The following FMN2 variants were observed in gnomAD, a reference collection of about 807,000 sequenced individuals.
FMN2 encodes the protein formin 2.
In FMN2, 51 loss-of-function variants were observed where a neutral mutation model predicts 142.3. The observed-to-expected ratio is 0.36, with a 90% confidence interval of 0.29 to 0.45. FMN2 has a LOEUF of 0.45. FMN2 is among the 20% of genes least tolerant of loss of function. FMN2 has a pLI of 1.00. For synonymous variants in FMN2, 882 were observed against 869.8 expected (o/e 1.01, Z -0.25); for missense variants, 1,936 against 2,122.8 (o/e 0.91, Z 1.73).
rs1339777020 is a variant in FMN2 at position 240,145,128 on chromosome 1, G to A, written c.1782+21783G>A. On this transcript the variant is annotated intron_variant, in intron 2 of 17. Coordinates refer to ENST00000319653, the MANE Select transcript of FMN2 (RefSeq NM_020066.5). ...AAAGTCATGGAAGTTGTAGAAGAAC[G>A]AATCTGCCTTCGCATTTCCTCCAGC... 9.4e-6 allele frequency: 14 copies of A among 1,484,490 alleles called. No homozygotes were observed. The East Asian group carries it at 2.5e-4, about 26-fold the overall frequency. 92.0% of individuals were successfully genotyped at this position (1,484,490 alleles called of 1,614,324 possible).
At chr1:240,420,456 C>T (rs921063895) in intron 15 of FMN2, among the ~76,000 whole-genome samples, 17 of 152,214 alleles carry the variant, frequency 1.1e-4, no homozygotes, top group Admixed American at 2.6e-4. Flanking sequence ...TGATCTCTTA[C>T]CCCTTTTCAG....
rs1471697427 is a variant in FMN2, at chr1:240,459,717, T to TTAAAAAAAAAAAAAAAA, written c.5061-12655_5061-12654insTAAAAAAAAAAAAAAAA. Among the ~76,000 whole-genome samples the TTAAAAAAAAAAAAAAAA allele has an allele frequency of 8.9e-5, 6 of 67,128 alleles. 1 individual carries two copies. Among genetic ancestry groups the TTAAAAAAAAAAAAAAAA allele is most frequent in the African/African-American group, 3.1e-4 (6 of 19,484 alleles). The allele number at this position is 67,128 out of a possible 152,430, so 44.0% of individuals were successfully genotyped here. On this transcript the variant is annotated intron_variant, in intron 16 of 17. Coordinates refer to ENST00000319653, the MANE Select transcript of FMN2 (RefSeq NM_020066.5). ...GGGTGACAGAACAAGACTCTGTCTCTAAAAAAAAAAAAAAAAAAAAAAAAA... is the reference window on the plus strand; with the variant it reads ...GGGTGACAGAACAAGACTCTGTCTCTTAAAAAAAAAAAAAAAAAAAAAAAAAAAAAAAAAAAAAAAAA...
At chr1:240,281,372 A>G (rs919185602) in intron 7 of FMN2, among the ~76,000 whole-genome samples, 2 of 152,182 alleles carry the variant, frequency 1.3e-5, no homozygotes, top group African/African-American at 4.8e-5. Flanking sequence ...TATTATAAAA[A>G]ATGCAGTTTT....
chr1:240,143,189 AC>A, intron 2 of FMN2: 1 of 1,588,030 alleles, frequency 6.3e-7, no homozygotes, highest in Non-Finnish European at 8.6e-7. Flanking sequence ...CATTATTGGT[AC>A]CACTGCCCAC....
intron 16 of FMN2, among the ~76,000 whole-genome samples, chr1:240,469,140 T>C (rs983079747): frequency 1.3e-5 from 2 of 152,140 alleles, no homozygotes; most frequent in Non-Finnish European, 2.9e-5. Context: ...GCAGCACCGC[T>C]GGGGCTTCAG....
At chr1:240,465,877 T>C (rs1676604242) in intron 16 of FMN2, among the ~76,000 whole-genome samples, 1 of 152,220 alleles carries the variant, frequency 6.6e-6, no homozygotes, top group African/African-American at 2.4e-5. Flanking sequence ...TTTCTCTGTA[T>C]CTATGCCAGA....
Position 240,467,787 on chromosome 1 carries a change from C to T in FMN2, c.5061-4585C>T, listed in dbSNP as rs564185546. Among the ~76,000 whole-genome samples the T allele has an allele frequency of 1.2e-4, 19 of 152,174 alleles. No individual in the cohort carries two copies. The South Asian group carries it at 3.3e-3, about 27-fold the overall frequency. On this transcript the variant is annotated intron_variant, in intron 16 of 17. Coordinates refer to ENST00000319653, the MANE Select transcript of FMN2 (RefSeq NM_020066.5). ...GGACTTACCTTTGAAATTTATTCAG[C>T]GTAGTTTTGTTTCTGAAGTTTCATA...
rs184845871 is a variant in FMN2 at position 240,219,809 on chromosome 1, C to T, written c.4065+8574C>T. On this transcript the variant is annotated intron_variant, in intron 6 of 17. Coordinates refer to ENST00000319653, the MANE Select transcript of FMN2 (RefSeq NM_020066.5). The stretch of plus-strand genomic sequence containing the variant: ...AGCTGGGACTCTAGGTGTGGGCCAC[C>T]GAGCCTGGCTAACTTTTTAATTTTT... Among the ~76,000 whole-genome samples, 26 of 152,012 alleles carry T rather than the reference C, an allele frequency of 1.7e-4. No homozygotes were observed. The East Asian group carries it at 4.5e-3, about 26-fold the overall frequency.
chr1:240,209,414 T>C (rs924757481), intron 5 of FMN2, among the ~76,000 whole-genome samples: 7 of 150,508 alleles, frequency 4.7e-5, no homozygotes, highest in Non-Finnish European at 8.9e-5. Context: ...CCACGCCCGG[T>C]TAATTTTTTT....
chr1:240,218,263 C>A (rs1666978050), intron 6 of FMN2, among the ~76,000 whole-genome samples: 1 of 109,908 alleles, frequency 9.1e-6, no homozygotes, highest in African/African-American at 3.5e-5. Flanking sequence ...AGCCTGGCGA[C>A]AGAGCGAGAC....
intron 7 of FMN2, among the ~76,000 whole-genome samples, chr1:240,278,954 A>G (rs1047146472): frequency 1.3e-5 from 2 of 152,196 alleles, no homozygotes; most frequent in Non-Finnish European, 2.9e-5. Context: ...CCTAAATTTT[A>G]GTCCAGTTAT....
chr1:240,241,220 A>G (rs114848907), intron 6 of FMN2, among the ~76,000 whole-genome samples: 1 of 147,544 alleles, frequency 6.8e-6, no homozygotes, highest in South Asian at 2.2e-4. Context: ...TGTATTTTCA[A>G]CTCTGGATTT....
At chr1:240,447,249 G>C (rs531092195) in intron 16 of FMN2, among the ~76,000 whole-genome samples, 4 of 152,180 alleles carry the variant, frequency 2.6e-5, no homozygotes, top group Non-Finnish European at 5.9e-5. Context: ...CATGTGCTGG[G>C]TCTGTGTGTG....
rs538898945 is a variant in FMN2, at chr1:240,219,495, T to C, written c.4065+8260T>C. 4.7e-4 allele frequency among the ~76,000 whole-genome samples: 71 copies of C among 152,258 alleles called. 1 individual carries two copies. The highest frequency in any genetic ancestry group is 1.4e-3 in the African/African-American group (58 of 41,566). On this transcript the variant is annotated intron_variant, in intron 6 of 17. Transcript: ENST00000319653. The stretch of plus-strand genomic sequence containing the variant: ...CGTGTGACCTAAACCGAAAAAGAGT[T>C]CCTGTTATTTGAGGGCATAAGTTTA...
intron 2 of FMN2, among the ~76,000 whole-genome samples, chr1:240,173,932 C>T (rs1664808337): frequency 6.6e-6 from 1 of 152,084 alleles, no homozygotes; most frequent in East Asian, 1.9e-4. Flanking sequence ...GTTGGTGCTA[C>T]CTCTTTTATA....
At chr1:240,290,411 C>G (rs574826462) in intron 7 of FMN2, among the ~76,000 whole-genome samples, 1 of 152,094 alleles carries the variant, frequency 6.6e-6, no homozygotes, top group Non-Finnish European at 1.5e-5. Context: ...AACTATTGAA[C>G]GCAAATGTTT....
At chr1:240,186,528 G>A (rs578156168) in intron 3 of FMN2, among the ~76,000 whole-genome samples, 1 of 152,348 alleles carries the variant, frequency 6.6e-6, no homozygotes, top group African/African-American at 2.4e-5. Context: ...AAGGGTGAGT[G>A]TGTGCTGAGT....
At chr1:240,381,849 G>T (rs1407603137) in intron 14 of FMN2, among the ~76,000 whole-genome samples, 1 of 152,178 alleles carries the variant, frequency 6.6e-6, no homozygotes, top group East Asian at 1.9e-4. Flanking sequence ...ATTTACAACA[G>T]ACTCCCAGGC....
At chr1:240,143,368 C>A (rs779870144) in intron 2 of FMN2, 7 of 1,455,718 alleles carry the variant, frequency 4.8e-6, no homozygotes, top group Non-Finnish European at 6.7e-6. Flanking sequence ...GCCAAAGGTT[C>A]ATAGTGCCGT....
Sources: gnomAD v4.1 joint callset for allele counts (sites outside exome capture counted in the v4.1 genomes callset) on GRCh38, gnomAD v4.1.1 for gene constraint, MANE v1.5 for transcripts, NCBI Gene and HGNC (gene_info 2026-07-23, HGNC 2026-07-21) for gene names.